Variants in DOCK4 observed in about 807,000 individuals in gnomAD.
The protein encoded by DOCK4 is dedicator of cytokinesis 4, also known as dedicator of cytokinesis protein 4.
A neutral mutation model predicts 268.1 loss-of-function variants in DOCK4; 97 were observed. That is an observed-to-expected ratio of 0.36 (90% confidence interval 0.31 to 0.43). DOCK4 has a LOEUF of 0.43. Among genes scored for constraint, DOCK4 ranks in the 20% least tolerant of loss-of-function variants. The pLI is 1.00. For synonymous variants in DOCK4, 954 were observed against 887.2 expected, an observed-to-expected ratio of 1.08 and a Z score of -1.34; for missense variants, 2,145 against 2,455.7, an observed-to-expected ratio of 0.87 and a Z score of 2.67.
At chr7:112,205,699 T>C (rs565774578) in intron 1 of DOCK4, among the ~76,000 whole-genome samples, 1 of 152,092 alleles carries the variant, frequency 6.6e-6, no homozygotes, top group East Asian at 1.9e-4. Flanking sequence ...AGAGGAACCG[T>C]TGCAGCTCCC....
intron 16 of DOCK4, 98 bp from the exon 17 acceptor site, chr7:111,877,284 C>T: frequency 1.9e-6 from 2 of 1,041,988 alleles, no homozygotes. Context: ...AACTGGGAAA[C>T]ATTCCAAACA....
At chr7:112,018,752 T>C (rs1802079170) in intron 1 of DOCK4, among the ~76,000 whole-genome samples, 1 of 133,186 alleles carries the variant, frequency 7.5e-6, no homozygotes, top group African/African-American at 2.9e-5. Flanking sequence ...AGGGTTAAAA[T>C]CTTTAGAAAT....
intron 1 of DOCK4, among the ~76,000 whole-genome samples, chr7:112,033,681 G>A (rs563236845): frequency 3.2e-4 from 49 of 152,190 alleles, no homozygotes; most frequent in Non-Finnish European, 5.9e-4. Flanking sequence ...AAACAGTTCC[G>A]CTAAGGAAAT....
chr7:111,790,748 C>G, intron 30 of DOCK4, 143 bp from the exon 31 acceptor site: 1 of 1,052,740 alleles, frequency 9.5e-7, no homozygotes, highest in Non-Finnish European at 1.3e-6. Context: ...TATAATAACC[C>G]ATGAGATACA....
intron 16 of DOCK4, among the ~76,000 whole-genome samples, chr7:111,877,734 G>T (rs1374392731): frequency 6.6e-6 from 1 of 152,094 alleles, no homozygotes; most frequent in Non-Finnish European, 1.5e-5. Flanking sequence ...CATAGAAAAC[G>T]CCAGCTAACA....
chr7:112,158,266 T>C (rs1816798107), intron 1 of DOCK4, among the ~76,000 whole-genome samples: 1 of 152,208 alleles, frequency 6.6e-6, no homozygotes. Flanking sequence ...GAAACCTATA[T>C]GGACTTGGTA....
At chr7:112,171,618 G>T (rs1449395703) in intron 1 of DOCK4, among the ~76,000 whole-genome samples, 1 of 152,056 alleles carries the variant, frequency 6.6e-6, no homozygotes, top group Non-Finnish European at 1.5e-5. Flanking sequence ...CCAAAAACCT[G>T]CACAAATCTG....
intron 7 of DOCK4, among the ~76,000 whole-genome samples, chr7:111,980,229 C>T (rs1243912283): frequency 6.6e-6 from 1 of 152,180 alleles, no homozygotes; most frequent in African/African-American, 2.4e-5. Context: ...ACCCCTCTTC[C>T]CATCCCCACT....
At chr7:111,808,993 TAA>T in intron 29 of DOCK4, 114 bp from the exon 30 acceptor site, 1 of 1,175,278 alleles carries the variant, frequency 8.5e-7, no homozygotes, top group Non-Finnish European at 1.2e-6. Context: ...AGTTTTTAAT[TAA>T]AGACATTTAA....
At chr7:112,171,301 C>T (rs1298465755) in intron 1 of DOCK4, among the ~76,000 whole-genome samples, 1 of 152,086 alleles carries the variant, frequency 6.6e-6, no homozygotes, top group Non-Finnish European at 1.5e-5. Flanking sequence ...ATCTGCTTCA[C>T]AGAATAGACT....
At chr7:111,755,708 A>G (rs1796974971) in intron 41 of DOCK4, 107 bp from the exon 42 acceptor site, 2 of 990,852 alleles carry the variant, frequency 2.0e-6, no homozygotes, top group East Asian at 5.1e-5. Flanking sequence ...TATTCCTGTC[A>G]GCCTTTCTTT....
At chr7:111,762,757 G>GTT (rs1797499588) in intron 39 of DOCK4, among the ~76,000 whole-genome samples, 3 of 55,008 alleles carry the variant, frequency 5.5e-5, no homozygotes, top group South Asian at 7.0e-4. Flanking sequence ...ATTTTGTTTT[G>GTT]TTTTCTTTTT....
At chr7:111,933,128 ACG>A (rs1794350893) in intron 12 of DOCK4, among the ~76,000 whole-genome samples, 1 of 135,918 alleles carries the variant, frequency 7.4e-6, no homozygotes, top group African/African-American at 2.9e-5. Context: ...ACATATATAT[ACG>A]TATATACACA....
chr7:111,886,032 C>T (rs750981104), intron 16 of DOCK4, among the ~76,000 whole-genome samples: 26 of 152,056 alleles, frequency 1.7e-4, no homozygotes, highest in African/African-American at 7.3e-5. Context: ...TGGTCAGTCC[C>T]GGACAGTGTT....
At chr7:111,979,479 A>AT (rs10629057) in intron 7 of DOCK4, among the ~76,000 whole-genome samples, 99,641 of 147,284 alleles carry the variant, frequency 0.68, 34,102 homozygotes, top group Admixed American at 0.75. Flanking sequence ...TGCTTTAACA[A>AT]TTTTTTTTTT....
intron 12 of DOCK4, among the ~76,000 whole-genome samples, chr7:111,919,085 C>T (rs376044127): frequency 7.2e-5 from 11 of 152,088 alleles, no homozygotes; most frequent in African/African-American, 2.6e-4. Flanking sequence ...AGCCAGCATT[C>T]ATTTAACCAG....
intron 1 of DOCK4, among the ~76,000 whole-genome samples, chr7:112,109,210 T>A (rs1014811195): frequency 6.6e-6 from 1 of 152,156 alleles, no homozygotes; most frequent in South Asian, 2.1e-4. Flanking sequence ...TGGGTGCTCA[T>A]GAGTACTGCA....
intron 1 of DOCK4, among the ~76,000 whole-genome samples, chr7:112,030,142 C>T (rs887053181): frequency 1.1e-4 from 17 of 152,184 alleles, no homozygotes; most frequent in African/African-American, 4.1e-4. Flanking sequence ...CTTCATTTTG[C>T]AGAATGCAGA....
chr7:112,069,134 T>A (rs972790927), intron 1 of DOCK4, among the ~76,000 whole-genome samples: 1 of 152,206 alleles, frequency 6.6e-6, no homozygotes, highest in African/African-American at 2.4e-5. Flanking sequence ...CTGACATTAG[T>A]ACTGCCAGAC....
Sources: gnomAD v4.1 joint callset for allele counts (sites outside exome capture counted in the v4.1 genomes callset) on GRCh38, gnomAD v4.1.1 for gene constraint, MANE v1.5 for transcripts, NCBI Gene and HGNC (gene_info 2026-07-23, HGNC 2026-07-21) for gene names.